Variants in ASTN2 observed in about 807,000 individuals in gnomAD.
ASTN2 encodes the protein astrotactin 2.
ASTN2 carries 54 observed loss-of-function variants against 139.8 expected under a neutral mutation model. The observed-to-expected ratio is 0.39, with a 90% CI of 0.31 to 0.48. The LOEUF (loss-of-function observed/expected upper bound fraction) is 0.48, where lower values mean the gene tolerates loss of function less well. ASTN2 is among the 20% of genes least tolerant of loss of function. The probability of loss-of-function intolerance (pLI) is 0.95; values close to 1 mark genes in which losing one functional copy is unlikely to be tolerated. For synonymous variants in ASTN2, 756 were observed against 719.5 expected (o/e 1.05, Z -0.81); for missense variants, 1,565 against 1,725.1 (o/e 0.91, Z 1.64).
intron 2 of ASTN2, among the ~76,000 whole-genome samples, chr9:117,266,557 C>G (rs1301490180): frequency 3.9e-5 from 6 of 152,184 alleles, no homozygotes. Context: ...CAGAAAAAGA[C>G]CAGCAAGGCT....
At chr9:116,917,404 C>A (rs1834479510) in intron 10 of ASTN2, among the ~76,000 whole-genome samples, 1 of 152,124 alleles carries the variant, frequency 6.6e-6, no homozygotes, top group South Asian at 2.1e-4. Flanking sequence ...ATTGAGCCCC[C>A]CGTTCCATGC....
intron 12 of ASTN2, among the ~76,000 whole-genome samples, chr9:116,809,429 T>C (rs758322133): frequency 6.6e-6 from 1 of 152,210 alleles, no homozygotes; most frequent in Non-Finnish European, 1.5e-5. Flanking sequence ...CCTGTTTAAT[T>C]ATCTGTATAT....
chr9:117,347,341 G>A (rs1375581647), intron 1 of ASTN2, among the ~76,000 whole-genome samples: 4 of 152,042 alleles, frequency 2.6e-5, no homozygotes, highest in African/African-American at 7.2e-5. Flanking sequence ...ATGAGAGAGC[G>A]CTTCCTGATT....
At position 117,016,612 on chromosome 9, in the gene ASTN2, A is replaced by ATATC. The variant is rs201317557; in HGVS notation, c.1424-8357_1424-8354dup. ...AGGTTTTATATATATATCTATATCT[A>ATATC]TATCTATCTATCTATATATATATAT... is the stretch of plus-strand genomic sequence containing the variant. On this transcript the variant is annotated intron_variant, in intron 6 of 22. Transcript: ENST00000313400. Among the ~76,000 whole-genome samples, 39 of 5,288 alleles carry ATATC rather than the reference A, an allele frequency of 7.4e-3. 2 individuals carry two copies. Among genetic ancestry groups the ATATC allele is most frequent in the African/African-American group, 0.022 (34 of 1,524 alleles). 3.5% of individuals were successfully genotyped at this position (5,288 alleles called of 152,430 possible). A position where few individuals can be genotyped will look rare whatever the true frequency, so the allele number is the denominator to read the frequency against.
chr9:116,675,654 C>A (rs1859457806), intron 16 of ASTN2, among the ~76,000 whole-genome samples: 1 of 152,128 alleles, frequency 6.6e-6, no homozygotes. Flanking sequence ...TCATGTCTTT[C>A]TGTGTGTTTG....
In ASTN2 at chr9:117,334,167, G is replaced by T. The variant is rs191178318; in HGVS notation, c.443-42654C>A. ...CTATTTTCCAATAAAATCAGTAGGG[G>T]GCTACAGTTGGCCTGAGAGTCATCA... On this transcript the variant is annotated intron_variant, in intron 1 of 22. Coordinates refer to ENST00000313400, the MANE Select transcript of ASTN2 (RefSeq NM_001365068.1). Among the ~76,000 whole-genome samples, 3 of 152,270 alleles carry T rather than the reference G, an allele frequency of 2.0e-5. No homozygotes were observed. The East Asian group carries it at 5.8e-4, about 29-fold the overall frequency.
At chr9:117,158,679 A>G (rs1281980043) in intron 3 of ASTN2, among the ~76,000 whole-genome samples, 1 of 152,072 alleles carries the variant, frequency 6.6e-6, no homozygotes, top group Non-Finnish European at 1.5e-5. Flanking sequence ...TGTCAAGACT[A>G]GAAGATTCAG....
intron 4 of ASTN2, among the ~76,000 whole-genome samples, chr9:117,098,878 C>T (rs994317077): frequency 4.0e-5 from 6 of 151,718 alleles, no homozygotes; most frequent in African/African-American, 1.2e-4. Context: ...GAGGCCAAGG[C>T]GGGCAGATTG....
intron 17 of ASTN2, among the ~76,000 whole-genome samples, chr9:116,632,205 A>AAACG (rs767242462): frequency 1.2e-3 from 53 of 45,294 alleles, no homozygotes; most frequent in African/African-American, 5.3e-3. Flanking sequence ...AGAAAGAAAG[A>AAACG]AAAGAAAGAA....
intron 22 of ASTN2, chr9:116,437,618 C>A (rs759694533): frequency 7.0e-5 from 33 of 469,942 alleles, no homozygotes; most frequent in Middle Eastern, 4.3e-4. Context: ...AGAAGTGGAG[C>A]TGTGGTTTAG....
At chr9:117,365,460 T>G (rs963057567) in intron 1 of ASTN2, among the ~76,000 whole-genome samples, 1 of 152,134 alleles carries the variant, frequency 6.6e-6, no homozygotes, top group Non-Finnish European at 1.5e-5. Context: ...TCTCAGCTCG[T>G]CATTGTCTCA....
At chr9:116,531,426 T>C (rs541550749) in intron 19 of ASTN2, among the ~76,000 whole-genome samples, 1 of 152,352 alleles carries the variant, frequency 6.6e-6, no homozygotes, top group African/African-American at 2.4e-5. Flanking sequence ...TGCAGGTTTG[T>C]TACATATGTA....
intron 13 of ASTN2, among the ~76,000 whole-genome samples, chr9:116,786,760 C>T (rs1830389827): frequency 5.3e-5 from 8 of 152,008 alleles, no homozygotes; most frequent in Admixed American, 5.2e-4. Context: ...TGGCTGTGTC[C>T]CCACTGAAAT....
At chr9:116,542,029 T>C (rs1028047307) in intron 19 of ASTN2, among the ~76,000 whole-genome samples, 4 of 152,198 alleles carry the variant, frequency 2.6e-5, no homozygotes, top group Non-Finnish European at 5.9e-5. Flanking sequence ...ACCACAATTA[T>C]TTCTCATGAT....
At chr9:116,817,164 C>G (rs1402736616) in intron 12 of ASTN2, among the ~76,000 whole-genome samples, 1 of 151,658 alleles carries the variant, frequency 6.6e-6, no homozygotes, top group Admixed American at 6.6e-5. Flanking sequence ...TGTGGTGGCA[C>G]GCACCTATAG....
chr9:116,596,432 T>C (rs1854581303), intron 19 of ASTN2, among the ~76,000 whole-genome samples: 1 of 152,170 alleles, frequency 6.6e-6, no homozygotes, highest in South Asian at 2.1e-4. Flanking sequence ...TCATGTTAAG[T>C]GTTCTTACCA....
At chr9:117,039,650 A>AGATTACAAAGGATAAGAT (rs1310551207) in intron 6 of ASTN2, among the ~76,000 whole-genome samples, 169 bp downstream of exon 6, 1 of 152,242 alleles carries the variant, frequency 6.6e-6, no homozygotes, top group Non-Finnish European at 1.5e-5. Flanking sequence ...CAAATAATCC[A>AGATTACAAAGGATAAGAT]GATTACAAAG....
chr9:117,200,875 A>G (rs1831688185), intron 3 of ASTN2, among the ~76,000 whole-genome samples: 1 of 152,272 alleles, frequency 6.6e-6, no homozygotes, highest in African/African-American at 2.4e-5. Context: ...TACTGGCTTC[A>G]TAAAATGAGT....
intron 13 of ASTN2, among the ~76,000 whole-genome samples, chr9:116,751,147 G>T (rs773631525): frequency 1.4e-5 from 2 of 145,646 alleles, no homozygotes; most frequent in Non-Finnish European, 2.9e-5. Context: ...AGGAGCCTCA[G>T]TTACTTCACT....
Sources: allele counts gnomAD v4.1 joint callset (sites outside exome capture counted in the v4.1 genomes callset), GRCh38; gene constraint gnomAD v4.1.1; transcripts MANE v1.5; gene names NCBI Gene and HGNC (gene_info 2026-07-23, HGNC 2026-07-21).